The following DOCK10 variants were observed in gnomAD, a reference collection of about 807,000 sequenced individuals.
DOCK10 encodes the protein dedicator of cytokinesis protein 10.
DOCK10 carries 145 observed loss-of-function variants against 280.1 expected under a neutral mutation model. That is an observed-to-expected ratio of 0.52 (90% CI 0.45 to 0.59). The LOEUF is 0.59. Among genes scored for constraint, DOCK10 ranks in the 20% least tolerant of loss-of-function variants. The pLI, the probability that DOCK10 is intolerant of heterozygous loss-of-function variation, is 0.00. For missense variants in DOCK10, 2,368 were observed against 2,651.7 expected (o/e 0.89, Z 2.35); for synonymous variants, 915 against 942.2 (o/e 0.97, Z 0.53).
intron 39 of DOCK10, among the ~76,000 whole-genome samples, chr2:224,803,690 G>A (rs1241182807): frequency 6.6e-6 from 1 of 152,042 alleles, no homozygotes; most frequent in Admixed American, 6.6e-5. Context: ...CAAGAACATT[G>A]CAAAAAATTA....
intron 1 of DOCK10, among the ~76,000 whole-genome samples, chr2:224,957,285 G>GCCC (rs35689409): frequency 0.011 from 1,241 of 118,008 alleles, 36 homozygotes; most frequent in Middle Eastern, 0.026. Flanking sequence ...TTTACTTTCC[G>GCCC]CCCCCCCCCG....
intron 7 of DOCK10, among the ~76,000 whole-genome samples, chr2:224,877,361 A>AT (rs1402103700): frequency 1.3e-5 from 2 of 148,530 alleles, no homozygotes; most frequent in Non-Finnish European, 3.0e-5. Context: ...ATGTAATAGT[A>AT]CGGACACTTG....
At chr2:225,039,488 G>T (rs984958104) in intron 1 of DOCK10, among the ~76,000 whole-genome samples, 1 of 151,986 alleles carries the variant, frequency 6.6e-6, no homozygotes, top group South Asian at 2.1e-4. Flanking sequence ...AAGGTGGTTC[G>T]TGTCTAGGAG....
chr2:224,913,431 G>A (rs968731118), intron 3 of DOCK10, among the ~76,000 whole-genome samples: 16 of 151,716 alleles, frequency 1.1e-4, no homozygotes, highest in East Asian at 3.9e-4. Context: ...TATTTTCTCC[G>A]GTTATTTGTC....
At chr2:224,975,619 A>G (rs1359507709) in intron 1 of DOCK10, among the ~76,000 whole-genome samples, 2 of 152,240 alleles carry the variant, frequency 1.3e-5, no homozygotes, top group East Asian at 1.9e-4. Context: ...AAGAGAGTCA[A>G]TTTATTTCCT....
intron 1 of DOCK10, chr2:224,983,840 T>C (rs1390356629): frequency 2.1e-6 from 1 of 471,078 alleles, no homozygotes; most frequent in Non-Finnish European, 4.4e-6. Context: ...AAAATGCTAA[T>C]GATGCTGGCA....
rs764423962 is a variant in DOCK10, at chr2:224,874,164, T to C, written c.1102-13A>G. On this transcript the variant is annotated splice_polypyrimidine_tract_variant and intron_variant, in intron 10 of 55. Transcript: ENST00000258390. ...GAAGTTTCAAGGTCTAAAAAAGTTT[T>C]GAATGAGTCACCAAACATCCAACAT... The C allele has an allele frequency of 2.1e-5, 33 of 1,581,542 alleles. No homozygotes were observed. The highest frequency in any genetic ancestry group is 1.7e-4 in the Middle Eastern group (1 of 5,966).
intron 25 of DOCK10, among the ~76,000 whole-genome samples, chr2:224,836,232 C>A (rs923478050): frequency 4.6e-5 from 7 of 152,074 alleles, no homozygotes; most frequent in African/African-American, 1.7e-4. Context: ...TGAAAGTTCT[C>A]CAGGTGATTC....
intron 27 of DOCK10, among the ~76,000 whole-genome samples, chr2:224,826,402 A>G (rs1156314386): frequency 6.6e-6 from 1 of 152,116 alleles, no homozygotes; most frequent in Non-Finnish European, 1.5e-5. Context: ...CCAAGTGCCC[A>G]ACAACATTGC....
chr2:225,021,018 T>C (rs1305570797), intron 1 of DOCK10, among the ~76,000 whole-genome samples: 1 of 151,920 alleles, frequency 6.6e-6, no homozygotes, highest in Non-Finnish European at 1.5e-5. Context: ...ATCAAGGGAG[T>C]TTGCTAAAGG....
chr2:224,896,809 A>T (rs1344683167), intron 3 of DOCK10, among the ~76,000 whole-genome samples: 1 of 152,226 alleles, frequency 6.6e-6, no homozygotes, highest in Non-Finnish European at 1.5e-5. Context: ...GGGTGCTGTG[A>T]AAGCTAGCAA....
intron 1 of DOCK10, among the ~76,000 whole-genome samples, chr2:225,035,622 G>A (rs1690238139): frequency 1.7e-5 from 2 of 117,644 alleles, no homozygotes; most frequent in African/African-American, 7.9e-5. Flanking sequence ...TGTTGTATTA[G>A]TCAGTGCGGG....
intron 31 of DOCK10, among the ~76,000 whole-genome samples, chr2:224,812,856 A>G (rs937508668): frequency 6.6e-6 from 1 of 152,152 alleles, no homozygotes; most frequent in African/African-American, 2.4e-5. Context: ...CATGGTGGAT[A>G]AGCTTTTTGA....
chr2:224,830,919 C>A, intron 26 of DOCK10, among the ~76,000 whole-genome samples: 1 of 93,786 alleles, frequency 1.1e-5, no homozygotes, highest in South Asian at 2.6e-4. Context: ...ACTAAACAAA[C>A]TTTTATTTAT....
rs1304154355 is a variant in DOCK10, at chr2:224,804,789, A to G, written c.4166+5T>C. The G allele has an allele frequency of 1.3e-6, 2 of 1,498,946 alleles. No homozygotes were observed. Among genetic ancestry groups the G allele is most frequent in the African/African-American group, 1.4e-5 (1 of 70,552 alleles). The allele number at this position is 1,498,946 out of a possible 1,614,324, so 92.9% of individuals were successfully genotyped here. ...GATTAACCTATTGGAATTTAAAATT[A>G]GTACCTTATTATGTTGCGTTTTCCT... is the stretch of plus-strand genomic sequence containing the variant. On this transcript the variant is annotated splice_donor_5th_base_variant and intron_variant, in intron 38 of 55. Transcript: ENST00000258390.
intron 3 of DOCK10, among the ~76,000 whole-genome samples, chr2:224,899,714 G>T (rs1300705818): frequency 6.6e-6 from 1 of 152,054 alleles, no homozygotes; most frequent in Non-Finnish European, 1.5e-5. Flanking sequence ...ATGCCCCAGA[G>T]TATATCGTCA....
intron 1 of DOCK10, among the ~76,000 whole-genome samples, chr2:225,002,174 G>C (rs1204179041): frequency 1.3e-5 from 2 of 152,170 alleles, no homozygotes; most frequent in Non-Finnish European, 2.9e-5. Context: ...GCTCACGAAG[G>C]CATCTGACTT....
chr2:224,823,131 GCA>G (rs1694614233), intron 28 of DOCK10, among the ~76,000 whole-genome samples: 1 of 151,376 alleles, frequency 6.6e-6, no homozygotes, highest in Non-Finnish European at 1.5e-5. Context: ...AGGACTACAG[GCA>G]CGCACCACCA....
At position 225,004,892 on chromosome 2, in the gene DOCK10, C is replaced by T. The variant is rs149599732; in HGVS notation, c.123+37360G>A. ...AGCTCAGGGATAAGGTAGTTCTATA[C>T]TTGGCCCCCAAAGGCCTTGCTTTAT... On this transcript the variant is annotated intron_variant, in intron 1 of 55. Coordinates refer to ENST00000258390, the MANE Select transcript of DOCK10 (RefSeq NM_014689.3). Among the ~76,000 whole-genome samples the T allele has an allele frequency of 9.7e-3, 1,483 of 152,346 alleles. 14 individuals carry two copies. Among genetic ancestry groups the T allele is most frequent in the Middle Eastern group, 0.014 (4 of 294 alleles).
Sources: allele counts gnomAD v4.1 joint callset (sites outside exome capture counted in the v4.1 genomes callset), GRCh38; gene constraint gnomAD v4.1.1; transcripts MANE v1.5; gene names NCBI Gene and HGNC (gene_info 2026-07-23, HGNC 2026-07-21).